Variants in MAML3 observed in about 807,000 individuals in gnomAD.
MAML3 encodes mastermind like transcriptional coactivator 3, also known as mastermind-like protein 3.
In MAML3, 27 loss-of-function variants were observed where a neutral mutation model predicts 101.9. That is an observed-to-expected ratio of 0.27 (90% CI 0.20 to 0.37). The LOEUF (loss-of-function observed/expected upper bound fraction) is 0.37, where lower values mean the gene tolerates loss of function less well. MAML3 is among the 10% of genes least tolerant of loss of function. The pLI is 1.00. For missense variants in MAML3, 1,316 were observed against 1,444.9 expected, an observed-to-expected ratio of 0.91 and a Z score of 1.45; for synonymous variants, 501 against 555.9, an observed-to-expected ratio of 0.90 and a Z score of 1.39.
At chr4:140,023,315 A>G (rs1337617030) in intron 1 of MAML3, among the ~76,000 whole-genome samples, 1 of 152,204 alleles carries the variant, frequency 6.6e-6, no homozygotes, top group African/African-American at 2.4e-5. Flanking sequence ...ATGCAGCTCT[A>G]AGGGTATTTT....
chr4:139,875,528 A>G (rs985480732), intron 2 of MAML3, among the ~76,000 whole-genome samples: 2 of 152,268 alleles, frequency 1.3e-5, no homozygotes, highest in African/African-American at 4.8e-5. Context: ...AATGAGGCTC[A>G]TCAAAACCCT....
At chr4:140,053,659 G>T (rs1008957242) in intron 1 of MAML3, among the ~76,000 whole-genome samples, 6 of 152,048 alleles carry the variant, frequency 3.9e-5, no homozygotes, top group Admixed American at 2.0e-4. Context: ...CTTTTTTTCT[G>T]TAAAGAGCCA....
At chr4:140,064,004 C>T (rs1322497016) in intron 1 of MAML3, among the ~76,000 whole-genome samples, 1 of 152,082 alleles carries the variant, frequency 6.6e-6, no homozygotes, top group African/African-American at 2.4e-5. Context: ...CAAGACACAC[C>T]CTGTATCTTC....
At chr4:140,102,483 G>A (rs1479521721) in intron 1 of MAML3, among the ~76,000 whole-genome samples, 4 of 152,182 alleles carry the variant, frequency 2.6e-5, no homozygotes, top group Non-Finnish European at 5.9e-5. Context: ...TCCTATCTGT[G>A]TCCTCACATG....
chr4:139,793,631 G>A (rs540123899), intron 2 of MAML3, among the ~76,000 whole-genome samples: 3 of 152,274 alleles, frequency 2.0e-5, no homozygotes, highest in Admixed American at 6.5e-5. Flanking sequence ...GCTCTGCATT[G>A]TTCTGAAATC....
At chr4:139,827,807 G>A (rs1422547858) in intron 2 of MAML3, among the ~76,000 whole-genome samples, 3 of 152,198 alleles carry the variant, frequency 2.0e-5, no homozygotes, top group Non-Finnish European at 2.9e-5. Flanking sequence ...TGATGAGGAT[G>A]ATGACTGCTG....
intron 1 of MAML3, among the ~76,000 whole-genome samples, chr4:139,996,600 T>C (rs1414516825): frequency 1.3e-5 from 2 of 152,140 alleles, no homozygotes; most frequent in South Asian, 2.1e-4. Flanking sequence ...AGTATTTGCA[T>C]AGCAAATGAT....
At chr4:139,885,587 G>C (rs28804193) in intron 2 of MAML3, among the ~76,000 whole-genome samples, 6,718 of 151,430 alleles carry the variant, frequency 0.044, 493 homozygotes, top group African/African-American at 0.15. Context: ...AATCTGGGAG[G>C]TTTAGTCCAT....
At chr4:139,953,058 G>C (rs949416984) in intron 1 of MAML3, among the ~76,000 whole-genome samples, 3 of 152,218 alleles carry the variant, frequency 2.0e-5, no homozygotes, top group African/African-American at 7.2e-5. Flanking sequence ...AGTGATGTCA[G>C]AGGGAAATTA....
intron 2 of MAML3, among the ~76,000 whole-genome samples, chr4:139,855,894 TG>T (rs1183322556): frequency 6.6e-6 from 1 of 152,202 alleles, no homozygotes; most frequent in Admixed American, 6.5e-5. Flanking sequence ...GTATAAAAAT[TG>T]TTCTATTCCA....
At chr4:140,073,784 G>A (rs1727705345) in intron 1 of MAML3, among the ~76,000 whole-genome samples, 1 of 152,076 alleles carries the variant, frequency 6.6e-6, no homozygotes, top group Non-Finnish European at 1.5e-5. Context: ...TGAGAAACTG[G>A]GGTCACCAAA....
At chr4:139,812,447 T>A (rs1730822488) in intron 2 of MAML3, among the ~76,000 whole-genome samples, 1 of 152,128 alleles carries the variant, frequency 6.6e-6, no homozygotes, top group Non-Finnish European at 1.5e-5. Flanking sequence ...CCTAAAAGGG[T>A]TGGTGGTTTT....
intron 1 of MAML3, among the ~76,000 whole-genome samples, chr4:140,063,654 T>G (rs1320033350): frequency 6.6e-6 from 1 of 152,176 alleles, no homozygotes; most frequent in East Asian, 1.9e-4. Context: ...ACACACATCA[T>G]CTTCTTATTT....
intron 2 of MAML3, among the ~76,000 whole-genome samples, chr4:139,841,773 C>T (rs1273470556): frequency 1.3e-5 from 2 of 152,186 alleles, no homozygotes; most frequent in African/African-American, 4.8e-5. Context: ...GTGCCAGTGA[C>T]AGGAAGTTAC....
At chr4:139,734,722 T>C (rs1728863361) in intron 2 of MAML3, among the ~76,000 whole-genome samples, 1 of 152,274 alleles carries the variant, frequency 6.6e-6, no homozygotes, top group South Asian at 2.1e-4. Context: ...TGTTTATTTA[T>C]AAATCTGTGC....
chr4:139,755,852 T>TA (rs1373383456), intron 2 of MAML3, among the ~76,000 whole-genome samples: 2 of 152,056 alleles, frequency 1.3e-5, no homozygotes, highest in East Asian at 1.9e-4. Context: ...TAAAATAAAA[T>TA]AAAAAAACCC....
intron 1 of MAML3, among the ~76,000 whole-genome samples, chr4:139,928,841 C>T (rs917577587): frequency 6.6e-6 from 1 of 151,916 alleles, no homozygotes; most frequent in African/African-American, 2.4e-5. Flanking sequence ...CACAGTGGAA[C>T]TCAGAATGGA....
chr4:139,726,367 T>C (rs994081295), intron 3 of MAML3, among the ~76,000 whole-genome samples: 2 of 152,240 alleles, frequency 1.3e-5, no homozygotes, highest in African/African-American at 4.8e-5. Flanking sequence ...GTTTCTAGTT[T>C]TTGTGTTTCA....
chr4:140,080,843 T>C (rs751896290), intron 1 of MAML3, among the ~76,000 whole-genome samples: 3 of 152,188 alleles, frequency 2.0e-5, no homozygotes, highest in African/African-American at 7.2e-5. Context: ...CTATTCCACA[T>C]AAGGTAAAAT....
Sources: gnomAD v4.1 joint callset for allele counts (sites outside exome capture counted in the v4.1 genomes callset) on GRCh38, gnomAD v4.1.1 for gene constraint, MANE v1.5 for transcripts, NCBI Gene and HGNC (gene_info 2026-07-23, HGNC 2026-07-21) for gene names.